Variants in SND1 observed in about 807,000 individuals in gnomAD.
SND1 encodes the protein staphylococcal nuclease and tudor domain containing 1.
A neutral mutation model predicts 121.7 loss-of-function variants in SND1; 38 were observed. The observed-to-expected ratio is 0.31, with a 90% confidence interval of 0.24 to 0.41. The LOEUF (loss-of-function observed/expected upper bound fraction) is 0.41. SND1 is among the 10% of genes least tolerant of loss of function. The probability of loss-of-function intolerance (pLI) is 1.00; values close to 1 mark genes in which losing one functional copy is unlikely to be tolerated. For missense variants in SND1, 868 were observed against 1,184.6 expected, an observed-to-expected ratio of 0.73 and a Z score of 3.92; for synonymous variants, 401 against 447.4, an observed-to-expected ratio of 0.90 and a Z score of 1.31.
intron 16 of SND1, among the ~76,000 whole-genome samples, chr7:128,012,137 T>C (rs1382646387): frequency 6.6e-6 from 1 of 152,212 alleles, no homozygotes; most frequent in Non-Finnish European, 1.5e-5. Flanking sequence ...TGTTTTGTCT[T>C]TGGACTTTGT....
chr7:128,041,787 T>C (rs960995513), intron 16 of SND1, among the ~76,000 whole-genome samples: 2 of 152,218 alleles, frequency 1.3e-5, no homozygotes, highest in Non-Finnish European at 2.9e-5. Context: ...ACAGGTAACA[T>C]GACCACCTTG....
At chr7:127,686,951 C>T in intron 2 of SND1, 189 bp downstream of exon 2, 1 of 568,026 alleles carries the variant, frequency 1.8e-6, no homozygotes, top group Non-Finnish European at 2.9e-6. Flanking sequence ...CCTTTAGTGG[C>T]AGTTGAAGTC....
chr7:127,897,503 T>C (rs1800143765), intron 13 of SND1, among the ~76,000 whole-genome samples: 1 of 152,048 alleles, frequency 6.6e-6, no homozygotes, highest in Admixed American at 6.6e-5. Flanking sequence ...AAATGGAGAA[T>C]ATATGTGGGT....
chr7:127,702,545 C>T lies in SND1; in HGVS notation c.681+19C>T. The T allele has an allele frequency of 6.2e-7, 1 of 1,603,190 alleles. No homozygotes were observed. Among genetic ancestry groups the T allele is most frequent in the Non-Finnish European group, 8.5e-7 (1 of 1,170,084 alleles). ...CATCAAGGTCAGACCATACTCTTGG[C>T]TACGTGGTGGGTTTAGAGTGTGTGG... is the stretch of plus-strand genomic sequence containing the variant. On this transcript the variant is annotated intron_variant, in intron 6 of 23. Coordinates refer to ENST00000354725, the MANE Select transcript of SND1 (RefSeq NM_014390.4).
At chr7:127,667,359 G>A (rs180867272) in intron 1 of SND1, among the ~76,000 whole-genome samples, 3 of 152,252 alleles carry the variant, frequency 2.0e-5, no homozygotes, top group African/African-American at 7.2e-5. Context: ...ATCTCTGGTT[G>A]GCTTTCATTT....
intron 15 of SND1, among the ~76,000 whole-genome samples, chr7:127,981,236 T>C (rs538867072): frequency 6.6e-6 from 1 of 152,130 alleles, no homozygotes. Context: ...AGGTATGAGG[T>C]TGTTGTTTTG....
At chr7:127,685,531 C>G (rs997838520) in intron 1 of SND1, among the ~76,000 whole-genome samples, 5 of 152,196 alleles carry the variant, frequency 3.3e-5, no homozygotes, top group Non-Finnish European at 5.9e-5. Flanking sequence ...TAGCTTGGGT[C>G]GTTTTTCCCT....
At chr7:127,683,226 G>GT (rs1375046797) in intron 1 of SND1, among the ~76,000 whole-genome samples, 12 of 152,008 alleles carry the variant, frequency 7.9e-5, no homozygotes, top group East Asian at 5.8e-4. Flanking sequence ...TTGTTTCTTT[G>GT]TTTTTTTGAG....
intron 15 of SND1, among the ~76,000 whole-genome samples, chr7:127,954,919 A>T (rs1801557902): frequency 6.6e-6 from 1 of 152,142 alleles, no homozygotes; most frequent in Non-Finnish European, 1.5e-5. Flanking sequence ...TCTCTAGGAG[A>T]TGACAAGCAG....
At chr7:127,806,227 C>T (rs536975936) in intron 10 of SND1, among the ~76,000 whole-genome samples, 2 of 152,336 alleles carry the variant, frequency 1.3e-5, no homozygotes, top group East Asian at 3.9e-4. Context: ...CATGACTCCA[C>T]ATTGGATTCC....
At chr7:127,941,489 T>C (rs934450915) in intron 15 of SND1, among the ~76,000 whole-genome samples, 4 of 152,212 alleles carry the variant, frequency 2.6e-5, no homozygotes, top group Admixed American at 2.6e-4. Context: ...AGTCTGCGGC[T>C]GGTGGAGAAG....
chr7:128,083,783 G>C (rs1044554025), intron 18 of SND1, among the ~76,000 whole-genome samples: 5 of 152,158 alleles, frequency 3.3e-5, no homozygotes, highest in Non-Finnish European at 5.9e-5. Context: ...CACCCTCCTT[G>C]CTTCTGAGAC....
intron 11 of SND1, among the ~76,000 whole-genome samples, chr7:127,811,293 G>A (rs1798330909): frequency 6.6e-6 from 1 of 152,148 alleles, no homozygotes; most frequent in Non-Finnish European, 1.5e-5. Context: ...GCCTTAGATT[G>A]TTGTTCTCTT....
intron 10 of SND1, among the ~76,000 whole-genome samples, chr7:127,798,148 G>C (rs1267217191): frequency 6.6e-6 from 1 of 152,138 alleles, no homozygotes; most frequent in African/African-American, 2.4e-5. Flanking sequence ...TGGAGATAAC[G>C]GGTCAGGCTC....
At chr7:127,901,472 T>G (rs1584653109) in intron 13 of SND1, among the ~76,000 whole-genome samples, 1 of 152,238 alleles carries the variant, frequency 6.6e-6, no homozygotes, top group Non-Finnish European at 1.5e-5. Context: ...TCAGCATCGT[T>G]CCTGCAGCAG....
At chr7:128,060,416 C>G (rs1157216878) in intron 16 of SND1, among the ~76,000 whole-genome samples, 2 of 152,242 alleles carry the variant, frequency 1.3e-5, no homozygotes, top group East Asian at 3.8e-4. Context: ...TGAATATGCT[C>G]TCTCTTTGAG....
chr7:127,906,085 GTTGAGCTTTTCT>G (rs1800330228), intron 14 of SND1, among the ~76,000 whole-genome samples: 1 of 152,132 alleles, frequency 6.6e-6, no homozygotes, highest in East Asian at 1.9e-4. Context: ...ATGGGACTCT[GTTGAGCTTTTCT>G]TTCTCTATAA....
At chr7:127,660,198 T>C (rs545127758) in intron 1 of SND1, among the ~76,000 whole-genome samples, 2 of 152,056 alleles carry the variant, frequency 1.3e-5, no homozygotes, top group East Asian at 3.9e-4. Flanking sequence ...CTAGTGGGAG[T>C]GTTGCTTGAG....
At chr7:127,875,652 GTT>G (rs2116707558) in intron 12 of SND1, among the ~76,000 whole-genome samples, 1 of 152,214 alleles carries the variant, frequency 6.6e-6, no homozygotes, top group African/African-American at 2.4e-5. Flanking sequence ...AGGCTGCAAT[GTT>G]TTTCTCTTTT....
Sources: gnomAD v4.1 joint callset for allele counts (sites outside exome capture counted in the v4.1 genomes callset) on GRCh38, gnomAD v4.1.1 for gene constraint, MANE v1.5 for transcripts, NCBI Gene and HGNC (gene_info 2026-07-23, HGNC 2026-07-21) for gene names.